Variants in VPS72 observed in about 807,000 individuals in gnomAD.
The protein encoded by VPS72 is vacuolar protein sorting 72 homolog.
In VPS72, 27 loss-of-function variants were observed where a neutral mutation model predicts 38.9. The observed-to-expected ratio is 0.69, with a 90% CI of 0.51 to 0.96. VPS72 has a LOEUF of 0.96. VPS72 is among the 40% of genes least tolerant of loss of function. The pLI is 0.00. For missense variants in VPS72, 360 were observed against 479.5 expected (o/e 0.75, Z 2.33); for synonymous variants, 173 against 186.3 (o/e 0.93, Z 0.58).
intron 4 of VPS72, among the ~76,000 whole-genome samples, chr1:151,182,312 A>G (rs1173618265): frequency 1.3e-5 from 2 of 152,142 alleles, no homozygotes; most frequent in Non-Finnish European, 2.9e-5. Context: ...TACAGGTGTG[A>G]GCCACGGCGC....
chr1:151,187,803 T>C (rs1572096818), intron 1 of VPS72, among the ~76,000 whole-genome samples: 3 of 152,228 alleles, frequency 2.0e-5, no homozygotes, highest in Admixed American at 1.3e-4. Flanking sequence ...TCAATTGCTA[T>C]TACCATTTTA....
At position 151,190,125 on chromosome 1, in the gene VPS72, G is replaced by A. The variant is rs1395529365; in HGVS notation, c.-4C>T. On this transcript the variant is annotated 5_prime_UTR_variant, in exon 1 of 6. Transcript: ENST00000368892. ...CCCGGCCCCCAGCCAAACTCATACCGCCTACCGAGACTGCGCCGCCACCTG... is the reference window on the plus strand; with the variant it reads ...CCCGGCCCCCAGCCAAACTCATACCACCTACCGAGACTGCGCCGCCACCTG... 4 of 1,612,594 alleles carry A rather than the reference G, an allele frequency of 2.5e-6. No homozygotes were observed. The highest frequency in any genetic ancestry group is 1.1e-5 in the South Asian group (1 of 91,066).
At chr1:151,189,907 C>T (rs1423925145) in intron 1 of VPS72, 98 bp downstream of exon 1, 1 of 1,388,906 alleles carries the variant, frequency 7.2e-7, no homozygotes, top group Non-Finnish European at 1.0e-6. Flanking sequence ...TCCCAGAGCT[C>T]CTCTCTATTC....
intron 1 of VPS72, among the ~76,000 whole-genome samples, chr1:151,186,754 A>G (rs983768791): frequency 1.1e-4 from 16 of 152,206 alleles, no homozygotes; most frequent in African/African-American, 3.9e-4. Context: ...TCTGTCAAGA[A>G]ACCTTGTTAG....
intron 1 of VPS72, among the ~76,000 whole-genome samples, chr1:151,186,817 G>A (rs1684361274): frequency 6.6e-6 from 1 of 152,176 alleles, no homozygotes; most frequent in South Asian, 2.1e-4. Flanking sequence ...TTGCACTGTA[G>A]GACTGTATGA....
chr1:151,181,606 C>T (rs954691378), intron 4 of VPS72, among the ~76,000 whole-genome samples: 3 of 152,108 alleles, frequency 2.0e-5, no homozygotes, highest in African/African-American at 7.2e-5. Context: ...TTCAGTCACT[C>T]TCCTGTCAAT....
At chr1:151,188,054 T>C (rs587731826) in intron 1 of VPS72, among the ~76,000 whole-genome samples, 6 of 151,992 alleles carry the variant, frequency 3.9e-5, no homozygotes, top group Admixed American at 3.9e-4. Context: ...GGGTTTTTTT[T>C]TTTTTTGAGA....
intron 1 of VPS72, 24 bp from the exon 2 acceptor site, chr1:151,185,974 T>G: frequency 3.7e-6 from 6 of 1,611,834 alleles, no homozygotes; most frequent in Non-Finnish European, 5.1e-6. Context: ...GAGATAAGGG[T>G]TGGCTGGCAA....
rs1029427155 is a variant in VPS72 at position 151,187,392 on chromosome 1, G to A, written c.118-1442C>T. ...GCCAGCCAGAGTTCAATTTTGCACT[G>A]ATGACCATCATTTCCTCCTAACTGA... On this transcript the variant is annotated intron_variant, in intron 1 of 5. Transcript: ENST00000368892. Among the ~76,000 whole-genome samples, 4 of 152,160 alleles carry A rather than the reference G, an allele frequency of 2.6e-5. 1 individual carries two copies. Among genetic ancestry groups the A allele is most frequent in the Middle Eastern group, 6.3e-3 (2 of 316 alleles).
intron 4 of VPS72, among the ~76,000 whole-genome samples, chr1:151,184,084 T>G (rs927333964): frequency 6.6e-6 from 1 of 152,202 alleles, no homozygotes; most frequent in Non-Finnish European, 1.5e-5. Flanking sequence ...GAACGAGGAT[T>G]TGACCTCAGT....
intron 4 of VPS72, among the ~76,000 whole-genome samples, chr1:151,178,815 T>G (rs1684174273): frequency 6.6e-6 from 1 of 152,198 alleles, no homozygotes; most frequent in African/African-American, 2.4e-5. Context: ...TCTGGCTGGC[T>G]GCACACTTCA....
Position 151,184,372 on chromosome 1 carries a change from C to T in VPS72, c.507G>A (p.Gln169=), listed in dbSNP as rs780072718. Residue 169 remains glutamine, a synonymous_variant, in exon 4 of 6, where the codon CAG becomes CAA. Coordinates refer to ENST00000368892, the MANE Select transcript of VPS72 (RefSeq NM_005997.3). ...TCTTGGCCTCCCGGAGCAGTTCCTC[C>T]TGGGTTAGTGGCCGCTCACAGTGGG... ...KGPHCERPLT[Q]EELLREAKIT... 1 of 1,614,118 alleles carries T rather than the reference C, an allele frequency of 6.2e-7. No homozygotes were observed. Among genetic ancestry groups the T allele is most frequent in the Non-Finnish European group, 8.5e-7 (1 of 1,180,026 alleles).
intron 1 of VPS72, 136 bp downstream of exon 1, chr1:151,189,869 G>T: frequency 2.9e-6 from 3 of 1,021,136 alleles, no homozygotes; most frequent in Admixed American, 2.2e-5. Context: ...CCCCGGCTCC[G>T]ATTCACCCAC....
At chr1:151,179,828 T>C (rs1216169555) in intron 4 of VPS72, among the ~76,000 whole-genome samples, 2 of 151,880 alleles carry the variant, frequency 1.3e-5, no homozygotes, top group African/African-American at 4.8e-5. Flanking sequence ...GAGGCGGAGG[T>C]TGCGGTGCGC....
At chr1:151,188,860 C>G (rs1281329032) in intron 1 of VPS72, among the ~76,000 whole-genome samples, 1 of 152,038 alleles carries the variant, frequency 6.6e-6, no homozygotes, top group East Asian at 1.9e-4. Context: ...AGACGGAGTC[C>G]TGCTCTGTCG....
intron 1 of VPS72, among the ~76,000 whole-genome samples, chr1:151,189,309 G>T (rs1336520122): frequency 6.6e-6 from 1 of 152,186 alleles, no homozygotes; most frequent in East Asian, 1.9e-4. Flanking sequence ...TAAACGGGTA[G>T]ATTCAACTAA....
Position 151,184,299 on chromosome 1 carries a change from C to T in VPS72, c.562+18G>A. The T allele has an allele frequency of 6.2e-7, 1 of 1,610,666 alleles. No individual in the cohort carries two copies. The highest frequency in any genetic ancestry group is 8.5e-7 in the Non-Finnish European group (1 of 1,177,602). ...CCCTCAGCCCCTCTACTCACTTTTT[C>T]TGAAACCACAGACTTACCCAGTGAC... is the stretch of plus-strand genomic sequence containing the variant. On this transcript the variant is annotated intron_variant, in intron 4 of 5. Coordinates refer to ENST00000368892, the MANE Select transcript of VPS72 (RefSeq NM_005997.3).
At chr1:151,180,282 G>T (rs1044467404) in intron 4 of VPS72, among the ~76,000 whole-genome samples, 1 of 149,662 alleles carries the variant, frequency 6.7e-6, no homozygotes, top group Non-Finnish European at 1.5e-5. Context: ...TTGTGCCATC[G>T]CACTCCAGCC....
At chr1:151,189,950 C>G in intron 1 of VPS72, 55 bp downstream of exon 1, 1 of 1,588,360 alleles carries the variant, frequency 6.3e-7, no homozygotes, top group Non-Finnish European at 8.6e-7. Flanking sequence ...GGGGTTTCTC[C>G]CTTCAGGGCT....
Sources: allele counts gnomAD v4.1 joint callset (sites outside exome capture counted in the v4.1 genomes callset), GRCh38; gene constraint gnomAD v4.1.1; transcripts MANE v1.5; gene names NCBI Gene and HGNC (gene_info 2026-07-23, HGNC 2026-07-21).